Variants in TMEM132D observed in about 807,000 individuals in gnomAD.
TMEM132D encodes the protein mature OL transmembrane protein.
In TMEM132D, 21 loss-of-function variants were observed where a neutral mutation model predicts 62.3. That is an observed-to-expected ratio of 0.34 (90% confidence interval 0.24 to 0.49). The LOEUF (loss-of-function observed/expected upper bound fraction) is 0.49. TMEM132D is among the 20% of genes least tolerant of loss of function. TMEM132D has a pLI of 0.99. For synonymous variants in TMEM132D, 621 were observed against 575.6 expected (o/e 1.08, Z -1.13); for missense variants, 1,346 against 1,402.8 (o/e 0.96, Z 0.65).
At chr12:129,262,597 A>AT (rs1446326238) in intron 4 of TMEM132D, 2 of 152,186 alleles carry the variant, frequency 1.3e-5, no homozygotes, top group Non-Finnish European at 2.9e-5. Context: ...ACAAATCTGT[A>AT]TTTTTATGCA....
At chr12:129,314,719 C>T (rs1276831847) in intron 4 of TMEM132D, among the ~76,000 whole-genome samples, 1 of 152,070 alleles carries the variant, frequency 6.6e-6, no homozygotes, top group Non-Finnish European at 1.5e-5. Flanking sequence ...GCAGTGTGGT[C>T]ATTTTCACAA....
At chr12:129,163,178 A>C (rs565652577) in intron 5 of TMEM132D, among the ~76,000 whole-genome samples, 1 of 152,248 alleles carries the variant, frequency 6.6e-6, no homozygotes, top group Non-Finnish European at 1.5e-5. Context: ...CCCTTAAGAA[A>C]TTAGTTTTCA....
intron 2 of TMEM132D, among the ~76,000 whole-genome samples, chr12:129,648,481 T>A (rs576849095): frequency 6.6e-6 from 1 of 152,214 alleles, no homozygotes; most frequent in Non-Finnish European, 1.5e-5. Context: ...ACTCTCCCTA[T>A]TGCAATTCCC....
rs1334371447 is a variant in TMEM132D, at chr12:129,082,045, C to A, written c.1650-13G>T. On this transcript the variant is annotated splice_polypyrimidine_tract_variant and intron_variant, in intron 6 of 8. Transcript: ENST00000422113. Reference sequence around the variant, plus strand: ...GTCCCCGGCAGGCCTGTGAAAGAAGCAGTGCAGTTTGCAGACAGTTACTTG... The same window carrying A: ...GTCCCCGGCAGGCCTGTGAAAGAAGAAGTGCAGTTTGCAGACAGTTACTTG... The A allele has an allele frequency of 6.3e-7, 1 of 1,590,168 alleles. No individual in the cohort carries two copies. Among genetic ancestry groups the A allele is most frequent in the African/African-American group, 1.3e-5 (1 of 74,552 alleles).
At chr12:129,678,985 C>G (rs1180849552) in intron 2 of TMEM132D, among the ~76,000 whole-genome samples, 1 of 151,864 alleles carries the variant, frequency 6.6e-6, no homozygotes, top group African/African-American at 2.4e-5. Flanking sequence ...CTATTGTATT[C>G]CAGTATCATA....
chr12:129,535,828 A>C (rs1325077306), intron 2 of TMEM132D, among the ~76,000 whole-genome samples: 1 of 150,012 alleles, frequency 6.7e-6, no homozygotes, highest in Non-Finnish European at 1.5e-5. Context: ...AAAAAAATGA[A>C]AGAGGAAGAG....
At chr12:129,271,545 T>G (rs1880853477) in intron 4 of TMEM132D, among the ~76,000 whole-genome samples, 1 of 151,632 alleles carries the variant, frequency 6.6e-6, no homozygotes, top group South Asian at 2.1e-4. Context: ...TTTGTCCTAA[T>G]GCTCTCCCTC....
At chr12:129,651,258 A>G (rs1879920208) in intron 2 of TMEM132D, among the ~76,000 whole-genome samples, 1 of 152,212 alleles carries the variant, frequency 6.6e-6, no homozygotes, top group South Asian at 2.1e-4. Context: ...AAAACATAAT[A>G]TCCCTTTTTT....
At chr12:129,651,244 T>C (rs1407944632) in intron 2 of TMEM132D, among the ~76,000 whole-genome samples, 2 of 152,236 alleles carry the variant, frequency 1.3e-5, no homozygotes, top group Non-Finnish European at 2.9e-5. Flanking sequence ...ATTCTATTGG[T>C]TCAAAAACAT....
chr12:129,272,182 G>A (rs748504929), intron 4 of TMEM132D, among the ~76,000 whole-genome samples: 4 of 151,902 alleles, frequency 2.6e-5, no homozygotes, highest in Non-Finnish European at 4.4e-5. Flanking sequence ...TCCAAGTGTG[G>A]TTTTAGGATC....
At chr12:129,775,396 C>G (rs1870887634) in intron 1 of TMEM132D, among the ~76,000 whole-genome samples, 1 of 152,148 alleles carries the variant, frequency 6.6e-6, no homozygotes, top group Non-Finnish European at 1.5e-5. Flanking sequence ...CCTGCTGTAC[C>G]AGAACCAGGC....
At chr12:129,738,266 C>T (rs10847931) in intron 1 of TMEM132D, among the ~76,000 whole-genome samples, 94,137 of 151,878 alleles carry the variant, frequency 0.62, 29,385 homozygotes, top group South Asian at 0.72. Flanking sequence ...GCTGCCTCCA[C>T]AGTGCACACC....
At chr12:129,564,875 T>C (rs562433364) in intron 2 of TMEM132D, among the ~76,000 whole-genome samples, 2 of 152,280 alleles carry the variant, frequency 1.3e-5, no homozygotes, top group South Asian at 4.1e-4. Flanking sequence ...GAAACCCAAC[T>C]GTGCTAGGAA....
chr12:129,610,788 T>A (rs976381272), intron 2 of TMEM132D, among the ~76,000 whole-genome samples: 8 of 152,152 alleles, frequency 5.3e-5, no homozygotes, highest in African/African-American at 1.9e-4. Flanking sequence ...TTAAGTGAAT[T>A]ACGAACTTGT....
chr12:129,253,346 G>T (rs907390633), intron 4 of TMEM132D, among the ~76,000 whole-genome samples: 4 of 151,992 alleles, frequency 2.6e-5, no homozygotes, highest in African/African-American at 9.7e-5. Flanking sequence ...TAGCTAAATG[G>T]CAGACAACTT....
At chr12:129,706,161 AG>A (rs1440158947) in intron 1 of TMEM132D, among the ~76,000 whole-genome samples, 2 of 152,178 alleles carry the variant, frequency 1.3e-5, no homozygotes, top group African/African-American at 4.8e-5. Context: ...TAAGTGGCTT[AG>A]ATTATTCCAT....
At chr12:129,778,699 G>A (rs115356057) in intron 1 of TMEM132D, among the ~76,000 whole-genome samples, 4 of 152,116 alleles carry the variant, frequency 2.6e-5, no homozygotes, top group South Asian at 2.1e-4. Flanking sequence ...CTCTGACCCC[G>A]GCATGGTTGT....
chr12:129,450,708 C>T (rs1873247048), intron 3 of TMEM132D, among the ~76,000 whole-genome samples: 1 of 151,734 alleles, frequency 6.6e-6, no homozygotes, highest in African/African-American at 2.4e-5. Context: ...AATCACTGAG[C>T]ACCCAGAAGG....
chr12:129,271,701 G>A (rs1481427624), intron 4 of TMEM132D, among the ~76,000 whole-genome samples: 1 of 151,678 alleles, frequency 6.6e-6, no homozygotes, highest in Non-Finnish European at 1.5e-5. Context: ...GAGGATGATG[G>A]CTTCCAGCTT....
Sources: allele counts gnomAD v4.1 joint callset (sites outside exome capture counted in the v4.1 genomes callset), GRCh38; gene constraint gnomAD v4.1.1; transcripts MANE v1.5; gene names NCBI Gene and HGNC (gene_info 2026-07-23, HGNC 2026-07-21).